Variants in LNX2 observed in about 807,000 individuals in gnomAD.
LNX2 encodes the protein ligand of Numb protein X 2.
A neutral mutation model predicts 66.2 loss-of-function variants in LNX2; 35 were observed. The observed-to-expected ratio is 0.53, with a 90% CI of 0.40 to 0.70. The LOEUF (loss-of-function observed/expected upper bound fraction) is 0.70, where lower values mean the gene tolerates loss of function less well. Among genes scored for constraint, LNX2 ranks in the 30% least tolerant of loss-of-function variants. LNX2 has a pLI of 0.00. For synonymous variants in LNX2, 337 were observed against 315.6 expected (o/e 1.07, Z -0.72); for missense variants, 791 against 850.8 (o/e 0.93, Z 0.87).
chr13:27,581,252 C>A, intron 2 of LNX2, 45 bp downstream of exon 2: 4 of 1,426,210 alleles, frequency 2.8e-6, no homozygotes, highest in Non-Finnish European at 2.8e-6. Context: ...TTTGAACCAC[C>A]TTTTTCCAAA....
In LNX2 at chr13:27,567,808, T is replaced by C. The variant is rs1221082056; in HGVS notation, c.687A>G (p.Gly229=). 6.2e-7 allele frequency: 1 copy of C among 1,614,074 alleles called. No homozygotes were observed. Among genetic ancestry groups the C allele is most frequent in the East Asian group, 2.2e-5 (1 of 44,880 alleles). Residue 229 remains glycine, a synonymous_variant, in exon 4 of 10, where the codon GGA becomes GGG. Coordinates refer to ENST00000316334, the MANE Select transcript of LNX2 (RefSeq NM_153371.4). Reference sequence around the variant, plus strand: ...GATGAATTTCAATCGTGGTGATTTCTCCTTCTGGTAAACTAAGTGGCTGTT... The same window carrying C: ...GATGAATTTCAATCGTGGTGATTTCCCCTTCTGGTAAACTAAGTGGCTGTT... ...TTQQPLSLPE[G]EITTIEIHRS...
chr13:27,553,156 G>T, intron 8 of LNX2, 52 bp downstream of exon 8: 1 of 1,457,772 alleles, frequency 6.9e-7, no homozygotes, highest in Non-Finnish European at 9.6e-7. Context: ...CACTGATAAG[G>T]GCTGCAAGCA....
intron 1 of LNX2, among the ~76,000 whole-genome samples, chr13:27,597,272 A>G (rs1955609069): frequency 6.6e-6 from 1 of 152,182 alleles, no homozygotes; most frequent in South Asian, 2.1e-4. Context: ...CAGACATCCA[A>G]TATAAGGATA....
In LNX2 at chr13:27,573,851, T is replaced by C. The variant is rs150235223; in HGVS notation, c.408-4575A>G. ...TCTAGTTTTCTGAGTTGCCACATTATATTATTTAAAATGTCCACTGTTCAA... is the reference window on the plus strand; with the variant it reads ...TCTAGTTTTCTGAGTTGCCACATTACATTATTTAAAATGTCCACTGTTCAA... On this transcript the variant is annotated intron_variant, in intron 2 of 9. Coordinates refer to ENST00000316334, the MANE Select transcript of LNX2 (RefSeq NM_153371.4). 3.2e-3 allele frequency among the ~76,000 whole-genome samples: 485 copies of C among 151,194 alleles called. 2 individuals carry two copies. Among genetic ancestry groups the C allele is most frequent in the African/African-American group, 0.011 (454 of 41,040 alleles).
In LNX2 at chr13:27,583,255, T is replaced by TGCGCGCGCGCGC. The variant is rs1227667311; in HGVS notation, c.-100-1453_-100-1452insGCGCGCGCGCGC. On this transcript the variant is annotated intron_variant, in intron 1 of 9. Transcript: ENST00000316334. ...GTGTGTGTGTGTGTGTGTGTGTGTG[T>TGCGCGCGCGCGC]GCGCGCGTCCTCTCCAACATACTTA... Among the ~76,000 whole-genome samples, 403 of 58,516 alleles carry TGCGCGCGCGCGC rather than the reference T, an allele frequency of 6.9e-3. 123 individuals carry two copies. The highest frequency in any genetic ancestry group is 0.029 in the East Asian group (40 of 1,388). 38.4% of individuals were successfully genotyped at this position (58,516 alleles called of 152,430 possible).
rs1481858851 is a variant in LNX2, at chr13:27,582,965, CAT to C, written c.-100-1164_-100-1163del. ...GTATGTATGATTTGAATACTCTCTC[CAT>C]ATGTCACACAGATTATAGAAAGATA... On this transcript the variant is annotated intron_variant, in intron 1 of 9. Coordinates refer to ENST00000316334, the MANE Select transcript of LNX2 (RefSeq NM_153371.4). Among the ~76,000 whole-genome samples, 4 of 152,136 alleles carry C rather than the reference CAT, an allele frequency of 2.6e-5. No individual in the cohort carries two copies. The East Asian group carries it at 7.7e-4, about 29-fold the overall frequency.
chr13:27,550,708 G>GAC (rs112963516), intron 8 of LNX2, among the ~76,000 whole-genome samples: 360 of 151,496 alleles, frequency 2.4e-3, no homozygotes, highest in African/African-American at 8.1e-3. Flanking sequence ...CCCAAGTGAA[G>GAC]ACACACACAC....
At chr13:27,564,490 A>G (rs1955180431) in intron 4 of LNX2, among the ~76,000 whole-genome samples, 1 of 152,146 alleles carries the variant, frequency 6.6e-6, no homozygotes, top group African/African-American at 2.4e-5. Context: ...ACTTTTATTA[A>G]TGATATTGAG....
rs1407654445 is a variant in LNX2 at position 27,547,750 on chromosome 13, G to C, written c.*585C>G. On this transcript the variant is annotated 3_prime_UTR_variant, in exon 10 of 10. Transcript: ENST00000316334. The stretch of plus-strand genomic sequence containing the variant: ...ACACGCCTGTAGTCCCAGCTACTCG[G>C]GAGGCTGAGGTGGGAGAATGGCGTG... 6.5e-6 allele frequency: 1 copy of C among 152,822 alleles called. No individual in the cohort carries two copies. Among genetic ancestry groups the C allele is most frequent in the Non-Finnish European group, 1.5e-5 (1 of 68,520 alleles). The allele number at this position is 152,822 out of a possible 1,614,324, so 9.5% of individuals were successfully genotyped here. A position where few individuals can be genotyped will look rare whatever the true frequency, so the allele number is the denominator to read the frequency against.
Position 27,564,103 on chromosome 13 carries a change from G to A in LNX2, c.856-1322C>T, listed in dbSNP as rs538256140. 3.9e-5 allele frequency among the ~76,000 whole-genome samples: 6 copies of A among 152,284 alleles called. No individual in the cohort carries two copies. The South Asian group carries it at 1.2e-3, about 32-fold the overall frequency. On this transcript the variant is annotated intron_variant, in intron 4 of 9. Coordinates refer to ENST00000316334, the MANE Select transcript of LNX2 (RefSeq NM_153371.4). ...CCTACCTGTAGGTTCACATTTTTCT[G>A]TCTTATATTCAGACATATCACACAT...
chr13:27,564,138 G>T (rs557947402), intron 4 of LNX2, among the ~76,000 whole-genome samples: 62 of 152,240 alleles, frequency 4.1e-4, no homozygotes, highest in African/African-American at 1.4e-3. Context: ...TATCACAAAT[G>T]ACTTTACAAA....
At chr13:27,619,778 C>T (rs1050769905) in intron 1 of LNX2, among the ~76,000 whole-genome samples, 3 of 152,194 alleles carry the variant, frequency 2.0e-5, no homozygotes, top group African/African-American at 7.2e-5. Context: ...CTGAATGATG[C>T]TTTGTGTGCA....
intron 1 of LNX2, among the ~76,000 whole-genome samples, chr13:27,595,255 A>C (rs1955584031): frequency 6.6e-6 from 1 of 151,998 alleles, no homozygotes; most frequent in East Asian, 1.9e-4. Context: ...TACCCAATCC[A>C]CCCAAACACA....
intron 3 of LNX2, 131 bp from the exon 4 acceptor site, chr13:27,567,970 G>T: frequency 1.3e-6 from 1 of 742,116 alleles, no homozygotes; most frequent in Non-Finnish European, 2.3e-6. Flanking sequence ...CAGTATCACT[G>T]GATAAGAAAC....
chr13:27,559,787 C>A, intron 6 of LNX2, 55 bp downstream of exon 6: 1 of 1,420,934 alleles, frequency 7.0e-7, no homozygotes, highest in Admixed American at 2.4e-5. Flanking sequence ...TAAATCTTAC[C>A]AGCTTGTAAC....
intron 2 of LNX2, among the ~76,000 whole-genome samples, chr13:27,578,776 A>C (rs953433472): frequency 6.6e-6 from 1 of 152,012 alleles, no homozygotes; most frequent in Non-Finnish European, 1.5e-5. Context: ...TTGGAAGTAG[A>C]CTCTCCAGTT....
At chr13:27,606,620 TACAG>T (rs1955720062) in intron 1 of LNX2, among the ~76,000 whole-genome samples, 1 of 152,284 alleles carries the variant, frequency 6.6e-6, no homozygotes, top group Admixed American at 6.5e-5. Flanking sequence ...TGTATTAATA[TACAG>T]ACAGACACAT....
chr13:27,551,113 C>A (rs1027880370), intron 8 of LNX2, among the ~76,000 whole-genome samples: 1 of 152,002 alleles, frequency 6.6e-6, no homozygotes, highest in Admixed American at 6.6e-5. Flanking sequence ...AACAAAAAAT[C>A]TTTTTCTTTT....
chr13:27,592,356 G>T (rs185451426), intron 1 of LNX2, among the ~76,000 whole-genome samples: 2 of 152,236 alleles, frequency 1.3e-5, no homozygotes, highest in South Asian at 4.2e-4. Flanking sequence ...CTGATGGGAG[G>T]GGGGAAAGTC....
Sources: allele counts gnomAD v4.1 joint callset (sites outside exome capture counted in the v4.1 genomes callset), GRCh38; gene constraint gnomAD v4.1.1; transcripts MANE v1.5; gene names NCBI Gene and HGNC (gene_info 2026-07-23, HGNC 2026-07-21).